The following SKAP1 variants were observed in gnomAD, a reference collection of about 807,000 sequenced individuals.
SKAP1 encodes src kinase associated phosphoprotein 1, also known as src kinase-associated phosphoprotein 1.
SKAP1 carries 44 observed loss-of-function variants against 58.5 expected under a neutral mutation model. The observed-to-expected ratio is 0.75, with a 90% CI of 0.59 to 0.97. The LOEUF is 0.97. Ranked by LOEUF, SKAP1 falls within the 50% of genes least tolerant of loss-of-function variation. The pLI is 0.00. For synonymous variants in SKAP1, 127 were observed against 149.7 expected, an observed-to-expected ratio of 0.85 and a Z score of 1.11; for missense variants, 390 against 435.2, an observed-to-expected ratio of 0.90 and a Z score of 0.92.
intron 4 of SKAP1, among the ~76,000 whole-genome samples, chr17:48,275,466 C>T (rs1286240846): frequency 6.6e-6 from 1 of 152,178 alleles, no homozygotes; most frequent in South Asian, 2.1e-4. Flanking sequence ...CCTTTATAGT[C>T]TCTCCCTGGA....
At chr17:48,429,894 G>C (rs1431867284) in intron 1 of SKAP1, among the ~76,000 whole-genome samples, 181 bp downstream of exon 1, 2 of 152,180 alleles carry the variant, frequency 1.3e-5, no homozygotes, top group African/African-American at 4.8e-5. Flanking sequence ...TCCAGGGAGT[G>C]AAAGGGGCCC....
intron 2 of SKAP1, among the ~76,000 whole-genome samples, chr17:48,392,408 T>C (rs1251833683): frequency 6.6e-6 from 1 of 152,200 alleles, no homozygotes; most frequent in African/African-American, 2.4e-5. Context: ...TGGTCTCTTT[T>C]TGGAACTCCT....
At chr17:48,171,833 C>A (rs772619563) in intron 9 of SKAP1, among the ~76,000 whole-genome samples, 3 of 151,510 alleles carry the variant, frequency 2.0e-5, no homozygotes, top group Non-Finnish European at 4.4e-5. Context: ...GAGGCCGAGG[C>A]GGGCAGATCA....
At chr17:48,257,210 T>G (rs1163631268) in intron 4 of SKAP1, among the ~76,000 whole-genome samples, 1 of 152,106 alleles carries the variant, frequency 6.6e-6, no homozygotes, top group African/African-American at 2.4e-5. Context: ...AAGTACTGAC[T>G]GTAGCTTGAG....
intron 4 of SKAP1, among the ~76,000 whole-genome samples, chr17:48,321,359 T>C (rs1189367912): frequency 2.0e-5 from 1 of 51,138 alleles, no homozygotes; most frequent in African/African-American, 5.0e-5. Flanking sequence ...TTATTATTAT[T>C]ATTATTATTA....
intron 1 of SKAP1, among the ~76,000 whole-genome samples, chr17:48,415,985 A>G (rs1025456899): frequency 4.6e-5 from 7 of 152,210 alleles, no homozygotes; most frequent in Non-Finnish European, 1.0e-4. Context: ...AATATTGTCT[A>G]TAGTCCTCTT....
intron 4 of SKAP1, among the ~76,000 whole-genome samples, chr17:48,238,118 C>A (rs184603842): frequency 1.3e-5 from 2 of 151,918 alleles, no homozygotes; most frequent in Non-Finnish European, 2.9e-5. Context: ...CTCAGCCTCC[C>A]GAGTAGCTGG....
intron 4 of SKAP1, among the ~76,000 whole-genome samples, chr17:48,342,905 A>C (rs1397154103): frequency 6.6e-6 from 1 of 152,154 alleles, no homozygotes; most frequent in Non-Finnish European, 1.5e-5. Flanking sequence ...GAATGGCGTG[A>C]ACCCAGGAGG....
At chr17:48,138,096 T>A (rs1274556898) in intron 11 of SKAP1, among the ~76,000 whole-genome samples, 2 of 151,988 alleles carry the variant, frequency 1.3e-5, no homozygotes, top group Non-Finnish European at 2.9e-5. Flanking sequence ...AGAAAGAGGA[T>A]GAGAGGGTTT....
chr17:48,302,549 T>C (rs899858419), intron 4 of SKAP1, among the ~76,000 whole-genome samples: 3 of 152,210 alleles, frequency 2.0e-5, no homozygotes, highest in Non-Finnish European at 4.4e-5. Flanking sequence ...CACATGTATA[T>C]ATGCTGAAGT....
intron 4 of SKAP1, among the ~76,000 whole-genome samples, chr17:48,285,342 C>A (rs2065816794): frequency 6.6e-6 from 1 of 152,164 alleles, no homozygotes; most frequent in African/African-American, 2.4e-5. Flanking sequence ...CCTGGCCGGG[C>A]ACTGTGGCTC....
At chr17:48,288,405 G>A (rs1175322910) in intron 4 of SKAP1, among the ~76,000 whole-genome samples, 1 of 152,264 alleles carries the variant, frequency 6.6e-6, no homozygotes, top group African/African-American at 2.4e-5. Context: ...ATAAATTTAC[G>A]CTGGGTGCAG....
At chr17:48,393,469 A>G (rs1175982070) in intron 2 of SKAP1, among the ~76,000 whole-genome samples, 5 of 152,208 alleles carry the variant, frequency 3.3e-5, no homozygotes, top group Non-Finnish European at 7.3e-5. Context: ...GATTCTTGAC[A>G]CAATTGTCTT....
intron 2 of SKAP1, among the ~76,000 whole-genome samples, chr17:48,367,536 G>GTATATATATATATGGATATATAGCCA (rs2067021112): frequency 7.4e-6 from 1 of 135,602 alleles, no homozygotes; most frequent in African/African-American, 2.7e-5. Context: ...GTATGTGTGT[G>GTATATATATATATGGATATATAGCCA]TATATATATA....
At chr17:48,403,334 T>G (rs539626054) in intron 1 of SKAP1, among the ~76,000 whole-genome samples, 1 of 151,986 alleles carries the variant, frequency 6.6e-6, no homozygotes, top group Admixed American at 6.6e-5. Flanking sequence ...ACCCACTGCA[T>G]TCCAGCTGGG....
chr17:48,395,589 T>C (rs1271795936), intron 2 of SKAP1, among the ~76,000 whole-genome samples: 1 of 152,186 alleles, frequency 6.6e-6, no homozygotes, highest in Non-Finnish European at 1.5e-5. Context: ...TGGAGAACTT[T>C]GTTTTAAACA....
intron 4 of SKAP1, among the ~76,000 whole-genome samples, chr17:48,319,916 A>G (rs1455728212): frequency 6.6e-6 from 1 of 152,210 alleles, no homozygotes; most frequent in Admixed American, 6.5e-5. Context: ...AGGCTTGATA[A>G]GAAAGCTTAT....
chr17:48,302,252 C>T (rs1212429498), intron 4 of SKAP1, among the ~76,000 whole-genome samples: 1 of 152,086 alleles, frequency 6.6e-6, no homozygotes, highest in Non-Finnish European at 1.5e-5. Flanking sequence ...AAACTATATC[C>T]AGGAATTGAG....
intron 7 of SKAP1, among the ~76,000 whole-genome samples, chr17:48,183,999 T>TACAC (rs5820689): frequency 1.3e-5 from 2 of 152,004 alleles, no homozygotes; most frequent in Admixed American, 1.3e-4. Context: ...CAGGAAACAA[T>TACAC]ACACACACAT....
Sources: gnomAD v4.1 joint callset for allele counts (sites outside exome capture counted in the v4.1 genomes callset) on GRCh38, gnomAD v4.1.1 for gene constraint, MANE v1.5 for transcripts, NCBI Gene and HGNC (gene_info 2026-07-23, HGNC 2026-07-21) for gene names.